The following COL22A1 variants were observed in gnomAD, a reference collection of about 807,000 sequenced individuals.
COL22A1 encodes the protein collagen type XXII alpha 1 chain, also known as collagen alpha-1(XXII) chain.
A neutral mutation model predicts 248.9 loss-of-function variants in COL22A1; 221 were observed. That is an observed-to-expected ratio of 0.89 (90% confidence interval 0.80 to 0.99). The LOEUF is 0.99. COL22A1 is among the 50% of genes least tolerant of loss of function. The pLI, the probability that COL22A1 is intolerant of heterozygous loss-of-function variation, is 0.00. For synonymous variants in COL22A1, 891 were observed against 793.4 expected (o/e 1.12, Z -2.07); for missense variants, 2,240 against 2,179.0 (o/e 1.03, Z -0.56).
intron 25 of COL22A1, among the ~76,000 whole-genome samples, chr8:138,723,186 T>C (rs1212941202): frequency 5.9e-5 from 9 of 152,084 alleles, no homozygotes; most frequent in Non-Finnish European, 1.2e-4. Context: ...TGTTCAAAAG[T>C]GAACGTTTTT....
At chr8:138,634,597 GC>G (rs904216836) in intron 49 of COL22A1, among the ~76,000 whole-genome samples, 21 of 152,112 alleles carry the variant, frequency 1.4e-4, no homozygotes, top group Non-Finnish European at 2.8e-4. Flanking sequence ...TGCTCAGGGG[GC>G]CCAGTGGAGA....
Position 138,693,717 on chromosome 8 carries a change from GA to G in COL22A1, c.2701-19del. 1 of 1,560,478 alleles carries G rather than the reference GA, an allele frequency of 6.4e-7. No individual in the cohort carries two copies. Among genetic ancestry groups the G allele is most frequent in the South Asian group, 1.2e-5 (1 of 84,618 alleles). ...TTGGCACCCTGCACAGGAAATAAAA[GA>G]GGGGCGGGGGTAAGACACCCTCAGT... On this transcript the variant is annotated intron_variant, in intron 34 of 64. Coordinates refer to ENST00000303045, the MANE Select transcript of COL22A1 (RefSeq NM_152888.3).
chr8:138,722,567 C>T (rs954619159), intron 25 of COL22A1, among the ~76,000 whole-genome samples: 47 of 152,302 alleles, frequency 3.1e-4, no homozygotes, highest in African/African-American at 1.1e-3. Flanking sequence ...GCATTACTGC[C>T]TGTTATTTCG....
intron 24 of COL22A1, 36 bp from the exon 25 acceptor site, chr8:138,724,704 C>T: frequency 5.0e-6 from 8 of 1,598,262 alleles, no homozygotes; most frequent in Non-Finnish European, 6.9e-6. Flanking sequence ...TTAGCCTGGC[C>T]TGTTCAGAGA....
intron 12 of COL22A1, among the ~76,000 whole-genome samples, chr8:138,781,600 A>G (rs897803046): frequency 4.6e-5 from 7 of 152,232 alleles, no homozygotes; most frequent in African/African-American, 7.2e-5. Context: ...CATGACATGA[A>G]TAAACACGGT....
Position 138,602,160 on chromosome 8 carries a change from C to CT in COL22A1, c.4141-2dup, listed in dbSNP as rs757269751. ...GCTCTCCAGGCTTCCCAGGGACCCC[C>CT]TGCAAGGAGAAAGAAAGGACAGTCA... On this transcript the variant is annotated splice_acceptor_variant, in intron 59 of 64. Coordinates refer to ENST00000303045, the MANE Select transcript of COL22A1 (RefSeq NM_152888.3). LOFTEE classifies it high-confidence loss of function. 8.1e-6 allele frequency: 13 copies of CT among 1,614,082 alleles called. No individual in the cohort carries two copies. The highest frequency in any genetic ancestry group is 1.0e-5 in the Non-Finnish European group (12 of 1,179,994).
intron 44 of COL22A1, 113 bp downstream of exon 44, chr8:138,660,323 T>G: frequency 1.1e-6 from 1 of 880,256 alleles, no homozygotes; most frequent in Non-Finnish European, 1.9e-6. Flanking sequence ...CTGCCCACAG[T>G]TTTGTCAAAT....
At chr8:138,638,457 C>T (rs1821386206) in intron 47 of COL22A1, among the ~76,000 whole-genome samples, 2 of 152,100 alleles carry the variant, frequency 1.3e-5, no homozygotes, top group Admixed American at 6.5e-5. Flanking sequence ...CAGTGCCCCA[C>T]AGTTCTCTCA....
chr8:138,627,239 G>T (rs1820319231), intron 50 of COL22A1, among the ~76,000 whole-genome samples: 1 of 152,070 alleles, frequency 6.6e-6, no homozygotes, highest in Admixed American at 6.6e-5. Context: ...GAGCTTCCTG[G>T]GTTCCTTCCT....
At chr8:138,812,378 T>A (rs1210096612) in intron 8 of COL22A1, among the ~76,000 whole-genome samples, 1 of 152,186 alleles carries the variant, frequency 6.6e-6, no homozygotes, top group Non-Finnish European at 1.5e-5. Context: ...GATCTCACCC[T>A]GCAGCCCGGG....
At chr8:138,894,853 TAA>T (rs1563897647) in intron 1 of COL22A1, among the ~76,000 whole-genome samples, 1 of 152,054 alleles carries the variant, frequency 6.6e-6, no homozygotes, top group Non-Finnish European at 1.5e-5. Context: ...ACTTTTATGG[TAA>T]AGAGTATTGT....
chr8:138,889,409 T>C lies in COL22A1; in HGVS notation c.-72-6165A>G, dbSNP rs544681860. Among the ~76,000 whole-genome samples, 4 of 152,310 alleles carry C rather than the reference T, an allele frequency of 2.6e-5. No individual in the cohort carries two copies. The East Asian group carries it at 5.8e-4, about 22-fold the overall frequency. On this transcript the variant is annotated intron_variant, in intron 1 of 64. Coordinates refer to ENST00000303045, the MANE Select transcript of COL22A1 (RefSeq NM_152888.3). ...TAAAAAATGATGAGTTCACGTCCTTTGTAGGGACATGGATGAAATTGGAAA... is the reference window on the plus strand; with the variant it reads ...TAAAAAATGATGAGTTCACGTCCTTCGTAGGGACATGGATGAAATTGGAAA...
chr8:138,797,421 T>C (rs1374910830), intron 11 of COL22A1, among the ~76,000 whole-genome samples: 1 of 152,224 alleles, frequency 6.6e-6, no homozygotes, highest in Non-Finnish European at 1.5e-5. Flanking sequence ...TGTCAGACCA[T>C]GTATAAGTAC....
chr8:138,747,139 C>T (rs1168059063), intron 22 of COL22A1, among the ~76,000 whole-genome samples: 1 of 152,148 alleles, frequency 6.6e-6, no homozygotes, highest in Non-Finnish European at 1.5e-5. Context: ...AGACAACATA[C>T]TGAAATATTT....
intron 16 of COL22A1, 124 bp from the exon 17 acceptor site, chr8:138,762,590 A>G (rs1277510691): frequency 2.1e-6 from 1 of 486,766 alleles, no homozygotes; most frequent in Non-Finnish European, 3.7e-6. Flanking sequence ...ACGCACGTGC[A>G]CACACACACA....
intron 46 of COL22A1, among the ~76,000 whole-genome samples, chr8:138,647,709 G>C (rs1317002889): frequency 1.3e-5 from 2 of 152,140 alleles, no homozygotes; most frequent in African/African-American, 2.4e-5. Context: ...GTGGCCCCCT[G>C]CCAGGTCCTG....
intron 52 of COL22A1, among the ~76,000 whole-genome samples, chr8:138,623,266 G>A (rs201971173): frequency 0.14 from 745 of 5,194 alleles, 6 homozygotes; most frequent in African/African-American, 0.23. Flanking sequence ...ATATTTATGT[G>A]TGTGTGTGTG....
intron 41 of COL22A1, 77 bp downstream of exon 41, chr8:138,676,479 AGT>A: frequency 1.4e-6 from 1 of 717,166 alleles, no homozygotes; most frequent in African/African-American, 1.8e-5. Flanking sequence ...GAAAGAAAAG[AGT>A]GTTTCTGCAG....
intron 12 of COL22A1, 53 bp downstream of exon 12, chr8:138,796,766 T>C: frequency 8.0e-7 from 1 of 1,250,586 alleles, no homozygotes; most frequent in Non-Finnish European, 1.2e-6. Flanking sequence ...CCCCCAAACC[T>C]AAGTCCTCTG....
Sources: allele counts gnomAD v4.1 joint callset (sites outside exome capture counted in the v4.1 genomes callset), GRCh38; gene constraint gnomAD v4.1.1; transcripts MANE v1.5; gene names NCBI Gene and HGNC (gene_info 2026-07-23, HGNC 2026-07-21).